Variants in ECT2L observed in about 807,000 individuals in gnomAD.
ECT2L encodes epithelial cell-transforming sequence 2 oncogene-like.
ECT2L carries 126 observed loss-of-function variants against 122.8 expected under a neutral mutation model. The ratio of observed to expected loss-of-function variants is 1.03; its 90% CI spans 0.89 to 1.19. The LOEUF (loss-of-function observed/expected upper bound fraction) is 1.19, where lower values mean the gene tolerates loss of function less well. Among genes scored for constraint, ECT2L ranks in the 50% most tolerant of loss-of-function variants. The pLI is 0.00. For missense variants in ECT2L, 1,012 were observed against 1,064.1 expected, an observed-to-expected ratio of 0.95 and a Z score of 0.68; for synonymous variants, 385 against 381.8, an observed-to-expected ratio of 1.01 and a Z score of -0.10.
At position 138,799,001 on chromosome 6, in the gene ECT2L, A is replaced by AT. The variant is rs978018472; in HGVS notation, c.-244+2816dup. 6.0e-4 allele frequency among the ~76,000 whole-genome samples: 91 copies of AT among 152,126 alleles called. 1 individual carries two copies. The highest frequency in any genetic ancestry group is 1.2e-4 in the Non-Finnish European group (8 of 67,998). ...ATTTCTGATTTCTGTACATCACTTC[A>AT]TTTTTTTGTGTATAAATTTGTTCTG... On this transcript the variant is annotated intron_variant, in intron 1 of 21. Transcript: ENST00000541398.
At chr6:138,855,510 GA>G (rs146968401) in intron 10 of ECT2L, among the ~76,000 whole-genome samples, 6 of 151,240 alleles carry the variant, frequency 4.0e-5, no homozygotes, top group Non-Finnish European at 5.9e-5. Flanking sequence ...CTCCACCTCA[GA>G]AAAAAAAGAA....
intron 19 of ECT2L, among the ~76,000 whole-genome samples, chr6:138,888,096 G>T (rs1383086624): frequency 2.0e-5 from 3 of 152,032 alleles, no homozygotes; most frequent in African/African-American, 7.2e-5. Context: ...GTCAAATTGG[G>T]GAAGCAAGAT....
At position 138,857,520 on chromosome 6, in the gene ECT2L, TGTAA is replaced by T. The variant is rs370300764; in HGVS notation, c.1198+3369_1198+3372del. The stretch of plus-strand genomic sequence containing the variant: ...TGTACTGGCACTACTTTTGGAGGAC[TGTAA>T]GTGACTTCCATGTGCTCAAATCCAG... On this transcript the variant is annotated intron_variant, in intron 10 of 21. Coordinates refer to ENST00000541398, the MANE Select transcript of ECT2L (RefSeq NM_001077706.3). Among the ~76,000 whole-genome samples, 22 of 152,296 alleles carry T rather than the reference TGTAA, an allele frequency of 1.4e-4. 1 individual carries two copies. Among genetic ancestry groups the T allele is most frequent in the African/African-American group, 4.8e-4 (20 of 41,574 alleles).
chr6:138,849,513 C>T (rs1777357134), intron 9 of ECT2L, 79 bp downstream of exon 9: 6 of 1,399,112 alleles, frequency 4.3e-6, no homozygotes, highest in Non-Finnish European at 5.7e-6. Flanking sequence ...TTCCGGAGGA[C>T]TATCTCAGTT....
At chr6:138,846,764 C>T (rs902354666) in intron 8 of ECT2L, 87 bp downstream of exon 8, 6 of 1,297,560 alleles carry the variant, frequency 4.6e-6, no homozygotes, top group Non-Finnish European at 6.0e-6. Flanking sequence ...GTGTGACAAG[C>T]TTTTGGCCAC....
intron 5 of ECT2L, among the ~76,000 whole-genome samples, chr6:138,839,027 G>T (rs982542696): frequency 6.6e-5 from 10 of 152,096 alleles, no homozygotes; most frequent in African/African-American, 2.4e-4. Context: ...TGATCCGCCC[G>T]CCTCGGCCTC....
intron 1 of ECT2L, among the ~76,000 whole-genome samples, chr6:138,809,691 C>A (rs1775826975): frequency 6.6e-6 from 1 of 151,976 alleles, no homozygotes; most frequent in South Asian, 2.1e-4. Context: ...ATATTTCTTT[C>A]TTGTAAAGTC....
chr6:138,892,655 G>A (rs563711116), intron 20 of ECT2L, among the ~76,000 whole-genome samples: 2 of 152,156 alleles, frequency 1.3e-5, no homozygotes, highest in African/African-American at 4.8e-5. Context: ...CACCACGTCT[G>A]GCTAATTTTT....
intron 4 of ECT2L, 52 bp downstream of exon 4, chr6:138,814,655 T>C (rs1344437781): frequency 9.3e-7 from 1 of 1,074,528 alleles, no homozygotes; most frequent in African/African-American, 1.6e-5. Context: ...GAAAACCGTA[T>C]ATAAATGTTT....
In ECT2L at chr6:138,877,841, C is replaced by T. The variant is rs560954842; in HGVS notation, c.1665+1283C>T. On this transcript the variant is annotated intron_variant, in intron 14 of 21. Transcript: ENST00000541398. Reference sequence around the variant, plus strand: ...CTGAGGCAGGAGGATTGCTTGAGCCCGGGAGGTCGAGGCTGCAGTGAGCCA... The same window carrying T: ...CTGAGGCAGGAGGATTGCTTGAGCCTGGGAGGTCGAGGCTGCAGTGAGCCA... 5.1e-3 allele frequency among the ~76,000 whole-genome samples: 772 copies of T among 152,142 alleles called. 5 individuals are homozygous for T. The highest frequency in any genetic ancestry group is 0.017 in the African/African-American group (725 of 41,506).
intron 20 of ECT2L, among the ~76,000 whole-genome samples, chr6:138,897,713 T>C (rs1303716494): frequency 2.0e-5 from 3 of 152,176 alleles, no homozygotes; most frequent in African/African-American, 7.2e-5. Context: ...AATAACCTCA[T>C]TGTGTGTTTC....
At chr6:138,889,632 A>C (rs566413380) in intron 20 of ECT2L, among the ~76,000 whole-genome samples, 1 of 152,124 alleles carries the variant, frequency 6.6e-6, no homozygotes, top group Non-Finnish European at 1.5e-5. Flanking sequence ...TTTTCTACTT[A>C]GCTAAGCTCC....
At chr6:138,894,985 G>A (rs1779160199) in intron 20 of ECT2L, among the ~76,000 whole-genome samples, 2 of 152,148 alleles carry the variant, frequency 1.3e-5, no homozygotes, top group Non-Finnish European at 2.9e-5. Context: ...TTGACTGGGT[G>A]TGGTGGCTCA....
intron 4 of ECT2L, among the ~76,000 whole-genome samples, chr6:138,815,123 A>C (rs994860401): frequency 6.6e-6 from 1 of 152,084 alleles, no homozygotes; most frequent in African/African-American, 2.4e-5. Context: ...ACTTTAAAAC[A>C]CTCAGCACAG....
At chr6:138,868,762 T>C (rs1215948983) in intron 13 of ECT2L, among the ~76,000 whole-genome samples, 1 of 152,170 alleles carries the variant, frequency 6.6e-6, no homozygotes, top group Non-Finnish European at 1.5e-5. Flanking sequence ...AAGGTCAGTC[T>C]ACACTTCAGA....
intron 13 of ECT2L, among the ~76,000 whole-genome samples, chr6:138,870,758 C>T (rs1778224369): frequency 6.6e-6 from 1 of 152,154 alleles, no homozygotes; most frequent in African/African-American, 2.4e-5. Flanking sequence ...CTTGCAATCC[C>T]AGCACTTTGG....
intron 4 of ECT2L, among the ~76,000 whole-genome samples, chr6:138,834,454 A>G (rs1776753583): frequency 6.6e-6 from 1 of 152,174 alleles, no homozygotes; most frequent in South Asian, 2.1e-4. Context: ...ACCAAGGTTT[A>G]CTTTTGGAAG....
At chr6:138,861,480 G>C (rs2038444) in intron 10 of ECT2L, among the ~76,000 whole-genome samples, 43,439 of 152,096 alleles carry the variant, frequency 0.29, 6,912 homozygotes, top group Admixed American at 0.38. Context: ...CTAATGACCA[G>C]TGATGATGAG....
intron 20 of ECT2L, among the ~76,000 whole-genome samples, chr6:138,895,262 T>C (rs1227677869): frequency 6.6e-6 from 1 of 152,208 alleles, no homozygotes; most frequent in Non-Finnish European, 1.5e-5. Flanking sequence ...ATACTCTGCT[T>C]GTATTTATAC....
Sources: allele counts gnomAD v4.1 joint callset (sites outside exome capture counted in the v4.1 genomes callset), GRCh38; gene constraint gnomAD v4.1.1; transcripts MANE v1.5; gene names NCBI Gene and HGNC (gene_info 2026-07-23, HGNC 2026-07-21).